Variants in DMD observed in about 807,000 individuals in gnomAD.
The protein encoded by DMD is mutant dystrophin.
DMD carries 63 observed loss-of-function variants against 330.1 expected under a neutral mutation model. The ratio of observed to expected loss-of-function variants is 0.19; its 90% CI spans 0.16 to 0.24. The LOEUF (loss-of-function observed/expected upper bound fraction) is 0.24, where lower values mean the gene tolerates loss of function less well. DMD is among the 10% of genes least tolerant of loss of function. The pLI is 1.00. For synonymous variants in DMD, 1,223 were observed against 959.8 expected (o/e 1.27, Z -5.07); for missense variants, 3,344 against 2,684.1 (o/e 1.25, Z -5.43).
chrX:31,372,227 T>C (rs754625600), intron 60 of DMD, among the ~76,000 whole-genome samples: 1 of 111,844 alleles, frequency 8.9e-6, no homozygotes, highest in Non-Finnish European at 1.9e-5. Context: ...GCAAAAGTAG[T>C]GTTCTTGCAA....
intron 7 of DMD, among the ~76,000 whole-genome samples, chrX:32,712,781 G>A (rs998341255): frequency 6.3e-5 from 7 of 111,246 alleles, no homozygotes; most frequent in African/African-American, 2.3e-4. Context: ...CTTTCACAAT[G>A]GAAAATATTT....
chrX:32,877,882 T>C (rs1477112930), intron 2 of DMD, among the ~76,000 whole-genome samples: 1 of 111,904 alleles, frequency 8.9e-6, no homozygotes, highest in Non-Finnish European at 1.9e-5. Context: ...GCACTTTGCC[T>C]GCGATTGCTC....
At chrX:32,825,387 C>T (rs1011461048) in intron 4 of DMD, among the ~76,000 whole-genome samples, 2 of 111,178 alleles carry the variant, frequency 1.8e-5, no homozygotes, top group African/African-American at 3.3e-5. Context: ...GGTCCAATTT[C>T]CACTATATTC....
rs183964338 is a variant in DMD at position 31,890,497 on chromosome X, C to T, written c.6913-15124G>A. ...TCCTTAGTTGCACTTACCACATTTC[C>T]AATGCTCAAAACCCACATTGTATTA... On this transcript the variant is annotated intron_variant, in intron 47 of 78. Coordinates refer to ENST00000357033, the MANE Select transcript of DMD (RefSeq NM_004006.3). 4.4e-3 allele frequency among the ~76,000 whole-genome samples: 487 copies of T among 110,929 alleles called. 3 individuals are homozygous for T. Among genetic ancestry groups the T allele is most frequent in the Admixed American group, 8.1e-3 (84 of 10,376 alleles).
intron 64 of DMD, 55 bp downstream of exon 64, chrX:31,222,992 T>C: frequency 9.0e-7 from 1 of 1,110,070 alleles, no homozygotes; most frequent in South Asian, 1.8e-5. Context: ...CAACCTACTT[T>C]TTATTCTAAG....
At chrX:31,381,817 A>G (rs936108820) in intron 60 of DMD, among the ~76,000 whole-genome samples, 42 of 111,751 alleles carry the variant, frequency 3.8e-4, no homozygotes, top group African/African-American at 1.1e-3. Context: ...CTATCCTCAA[A>G]GAAATAACTT....
At chrX:33,046,844 T>A (rs2094389397) in intron 1 of DMD, among the ~76,000 whole-genome samples, 1 of 112,388 alleles carries the variant, frequency 8.9e-6, no homozygotes, top group Non-Finnish European at 1.9e-5. Flanking sequence ...TTAATAATGT[T>A]GAACATCTAC....
intron 2 of DMD, among the ~76,000 whole-genome samples, chrX:32,853,806 C>CAAA (rs1373049986): frequency 1.1e-4 from 9 of 84,622 alleles, no homozygotes; most frequent in Non-Finnish European, 2.1e-4. Context: ...ACAACAACAA[C>CAAA]AAACACCAAG....
intron 2 of DMD, among the ~76,000 whole-genome samples, chrX:33,003,117 ATGTAG>A (rs1293707003): frequency 9.1e-6 from 1 of 110,081 alleles, no homozygotes; most frequent in Admixed American, 9.8e-5. Flanking sequence ...CGTACCCAAT[ATGTAG>A]GCTTTTATCT....
chrX:32,570,859 T>C (rs2052337255), intron 15 of DMD, among the ~76,000 whole-genome samples: 2 of 111,790 alleles, frequency 1.8e-5, no homozygotes, highest in Non-Finnish European at 1.9e-5. Context: ...AGAACAACTT[T>C]CTTGATTGGT....
intron 55 of DMD, among the ~76,000 whole-genome samples, chrX:31,522,363 C>CTCTCTCTCTCTCTATATATATATATA: frequency 8.3e-4 from 30 of 35,952 alleles, no homozygotes; most frequent in Admixed American, 3.8e-3. Flanking sequence ...CTCTCTCTCT[C>CTCTCTCTCTCTCTATATATATATATA]TATATATATA....
chrX:31,129,139 T>G (rs1459358888), intron 77 of DMD, among the ~76,000 whole-genome samples: 2 of 111,287 alleles, frequency 1.8e-5, no homozygotes, highest in Non-Finnish European at 3.8e-5. Flanking sequence ...AAGTCTAATT[T>G]CCTCGGGCAC....
chrX:33,277,218 C>A (rs1056768659), intron 1 of DMD, among the ~76,000 whole-genome samples: 1 of 111,013 alleles, frequency 9.0e-6, no homozygotes. Context: ...CCAGGTCACC[C>A]AAATCCTTAG....
At chrX:32,357,335 G>C (rs957384480) in intron 37 of DMD, among the ~76,000 whole-genome samples, 1 of 111,262 alleles carries the variant, frequency 9.0e-6, no homozygotes, top group African/African-American at 3.3e-5. Context: ...AGTTCTCTAA[G>C]CGTGGTCCCT....
At chrX:33,037,288 C>T (rs2094220218) in intron 1 of DMD, among the ~76,000 whole-genome samples, 1 of 110,411 alleles carries the variant, frequency 9.1e-6, no homozygotes, top group Non-Finnish European at 1.9e-5. Flanking sequence ...AGTTGCTCTC[C>T]TTCCTCTTGT....
chrX:32,836,454 CCTT>C (rs917836857), intron 4 of DMD, among the ~76,000 whole-genome samples: 2 of 111,515 alleles, frequency 1.8e-5, no homozygotes, highest in Non-Finnish European at 3.8e-5. Flanking sequence ...TTTTCTCCCT[CCTT>C]GTCTGGATCA....
chrX:32,676,602 T>C (rs1000060193), intron 9 of DMD, among the ~76,000 whole-genome samples: 8 of 111,381 alleles, frequency 7.2e-5, no homozygotes, highest in African/African-American at 2.3e-4. Flanking sequence ...TGGACGCTAT[T>C]ATGCACATTT....
intron 21 of DMD, among the ~76,000 whole-genome samples, chrX:32,478,112 A>T (rs758892708): frequency 8.9e-6 from 1 of 111,780 alleles, no homozygotes; most frequent in African/African-American, 3.2e-5. Flanking sequence ...AGAAGCTGGA[A>T]AAGGCACCCA....
Position 33,211,354 on chromosome X carries a change from TA to T in DMD, c.-43del. ...CAAGGCAGCGATAAAAAAAACCTGG[TA>T]AAAGTTCTTCAAACTTTATTGCTCC... On this transcript the variant is annotated 5_prime_UTR_variant, in exon 1 of 79. Coordinates refer to ENST00000357033, the MANE Select transcript of DMD (RefSeq NM_004006.3). 8.3e-7 allele frequency: 1 copy of T among 1,201,270 alleles called. No individual in the cohort carries two copies. The highest frequency in any genetic ancestry group is 1.1e-6 in the Non-Finnish European group (1 of 889,075).
Sources: gnomAD v4.1 joint callset for allele counts (sites outside exome capture counted in the v4.1 genomes callset) on GRCh38, gnomAD v4.1.1 for gene constraint, MANE v1.5 for transcripts, NCBI Gene and HGNC (gene_info 2026-07-23, HGNC 2026-07-21) for gene names.